ACP2: variants seen among roughly 807,000 people sequenced by gnomAD.
ACP2 encodes the protein lysosomal acid phosphatase.
ACP2 carries 35 observed loss-of-function variants against 54.7 expected under a neutral mutation model. That is an observed-to-expected ratio of 0.64 (90% CI 0.49 to 0.85). The LOEUF (loss-of-function observed/expected upper bound fraction) is 0.85. ACP2 is among the 40% of genes least tolerant of loss of function. The pLI is 0.00. For synonymous variants in ACP2, 210 were observed against 224.4 expected (o/e 0.94, Z 0.57); for missense variants, 492 against 565.0 (o/e 0.87, Z 1.31).
Position 47,242,846 on chromosome 11 carries a change from G to A in ACP2, c.1015C>T (p.Pro339Ser). The A allele has an allele frequency of 6.2e-7, 1 of 1,614,056 alleles. No homozygotes were observed. Among genetic ancestry groups the A allele is most frequent in the South Asian group, 1.1e-5 (1 of 91,080 alleles). Reference sequence around the variant, plus strand: ...TGAGGGCAGCCAGGCAGGCTGAGCGGCCAGGGGGCCTTGTCACTCTCGTTC... The same window carrying A: ...TGAGGGCAGCCAGGCAGGCTGAGCGACCAGGGGGCCTTGTCACTCTCGTTC... ...FRNESDKAPW[P>S]LSLPGCPHRC... Residue 339 changes from proline (P) to serine (S), a missense_variant, in exon 10 of 11, where the codon CCG becomes TCG. Transcript: ENST00000672073.
intron 3 of ACP2, 68 bp downstream of exon 3, chr11:47,247,573 G>A: frequency 1.9e-6 from 3 of 1,576,736 alleles, no homozygotes; most frequent in Non-Finnish European, 2.6e-6. Flanking sequence ...TCAGCCTTAG[G>A]CTCCCTGAGG....
chr11:47,240,041 G>A lies in ACP2; in HGVS notation c.*75C>T. The stretch of plus-strand genomic sequence containing the variant: ...CCCAGGATCTCCTGTCCATGGGCTG[G>A]GGAGCAGCAACAGTCAGGAGCGAGG... On this transcript the variant is annotated 3_prime_UTR_variant, in exon 11 of 11. Transcript: ENST00000672073. 1 of 1,510,186 alleles carries A rather than the reference G, an allele frequency of 6.6e-7. No individual in the cohort carries two copies. The highest frequency in any genetic ancestry group is 9.0e-7 in the Non-Finnish European group (1 of 1,116,732). The allele number at this position is 1,510,186 out of a possible 1,614,324, so 93.5% of individuals were successfully genotyped here. A position where few individuals can be genotyped will look rare whatever the true frequency, so the allele number is the denominator to read the frequency against.
At chr11:47,247,582 G>C in intron 3 of ACP2, 59 bp downstream of exon 3, 1 of 1,600,298 alleles carries the variant, frequency 6.2e-7, no homozygotes, top group South Asian at 1.1e-5. Flanking sequence ...GGCTCCCTGA[G>C]GGCAAAAGAT....
intron 4 of ACP2, 54 bp downstream of exon 4, chr11:47,245,627 GC>G: frequency 6.2e-7 from 1 of 1,614,206 alleles, no homozygotes; most frequent in Non-Finnish European, 8.5e-7. Flanking sequence ...GCATCAGCAG[GC>G]CTACGGCCAG....
In ACP2 at chr11:47,243,272, G is replaced by C; in HGVS notation, c.822C>G (p.Thr274=). 6.2e-7 allele frequency: 1 copy of C among 1,614,248 alleles called. No homozygotes were observed. Among genetic ancestry groups the C allele is most frequent in the Non-Finnish European group, 8.5e-7 (1 of 1,180,040 alleles). ...IRKNLTLMAT[T]SQLPKLLVYS... ...AAACCAGCAGCTTGGGGAGCTGGGAGGTGGTCGCCATTAGGGTCAGGTTCT... is the reference window on the plus strand; with the variant it reads ...AAACCAGCAGCTTGGGGAGCTGGGACGTGGTCGCCATTAGGGTCAGGTTCT... The change falls in exon 8 of 11, where the codon ACC becomes ACG. Residue 274 remains threonine, a synonymous_variant. Transcript: ENST00000672073.
intron 10 of ACP2, 65 bp from the exon 11 acceptor site, chr11:47,240,314 G>A: frequency 2.4e-6 from 2 of 828,102 alleles, no homozygotes; most frequent in Non-Finnish European, 4.2e-6. Context: ...CTACTGTTCT[G>A]ACATATAGGA....
chr11:47,248,394 T>C (rs371257928), intron 1 of ACP2: 2 of 1,501,462 alleles, frequency 1.3e-6, no homozygotes, highest in African/African-American at 2.8e-5. Context: ...ACGTATGTGG[T>C]GGGGACAACT....
intron 10 of ACP2, among the ~76,000 whole-genome samples, chr11:47,242,138 G>A (rs923675110): frequency 1.3e-5 from 2 of 152,226 alleles, no homozygotes; most frequent in African/African-American, 4.8e-5. Context: ...GCTGAGAGGT[G>A]AGAGAAGCTA....
At chr11:47,243,181 C>A in intron 8 of ACP2, 57 bp from the exon 9 acceptor site, 1 of 1,613,526 alleles carries the variant, frequency 6.2e-7, no homozygotes, top group Non-Finnish European at 8.5e-7. Context: ...AGGAACCGAA[C>A]AGAGAAGAAA....
At chr11:47,245,143 A>G (rs1954018445) in intron 6 of ACP2, 162 bp downstream of exon 6, 1 of 938,492 alleles carries the variant, frequency 1.1e-6, no homozygotes, top group African/African-American at 1.6e-5. Flanking sequence ...CACTCTGAGG[A>G]TCTCTGTCAC....
intron 10 of ACP2, among the ~76,000 whole-genome samples, 165 bp downstream of exon 10, chr11:47,242,558 C>T (rs1320850853): frequency 6.6e-6 from 1 of 151,954 alleles, no homozygotes; most frequent in Non-Finnish European, 1.5e-5. Context: ...AGACATCACC[C>T]GAGGGTGAGA....
At position 47,239,752 on chromosome 11, in the gene ACP2, A is replaced by G. The variant is rs1953820240; in HGVS notation, c.*364T>C. 1 of 202,982 alleles carries G rather than the reference A, an allele frequency of 4.9e-6. No homozygotes were observed. Among genetic ancestry groups the G allele is most frequent in the Non-Finnish European group, 9.9e-6 (1 of 101,000 alleles). 12.6% of individuals were successfully genotyped at this position (202,982 alleles called of 1,614,324 possible). A position where few individuals can be genotyped will look rare whatever the true frequency, so the allele number is the denominator to read the frequency against. Reference sequence around the variant, plus strand: ...TGCCGAAGACTTCAGGCTGGAGGAAAAAGAACAGGGCTTGATAGAAGTGCA... The same window carrying G: ...TGCCGAAGACTTCAGGCTGGAGGAAGAAGAACAGGGCTTGATAGAAGTGCA... On this transcript the variant is annotated 3_prime_UTR_variant, in exon 11 of 11. Coordinates refer to ENST00000672073, the MANE Select transcript of ACP2 (RefSeq NM_001610.4).
In ACP2 at chr11:47,242,114, A is replaced by G. The variant is rs527621524; in HGVS notation, c.1138+609T>C. ...GAAAGTGTTTCAGGAAGGGGTGACCAATTATGTAATGCTGCTGAGAGGTGA... is the reference window on the plus strand; with the variant it reads ...GAAAGTGTTTCAGGAAGGGGTGACCGATTATGTAATGCTGCTGAGAGGTGA... On this transcript the variant is annotated intron_variant, in intron 10 of 10. Coordinates refer to ENST00000672073, the MANE Select transcript of ACP2 (RefSeq NM_001610.4). 2.6e-5 allele frequency among the ~76,000 whole-genome samples: 4 copies of G among 152,340 alleles called. No homozygotes were observed. The South Asian group carries it at 8.3e-4, about 32-fold the overall frequency.
At chr11:47,243,416 G>C in intron 7 of ACP2, 95 bp from the exon 8 acceptor site, 1 of 1,037,734 alleles carries the variant, frequency 9.6e-7, no homozygotes, top group South Asian at 1.4e-5. Flanking sequence ...CCAGGCCTGG[G>C]CCTCATCACC....
Position 47,245,322 on chromosome 11 carries a change from C to T in ACP2, c.622G>A (p.Asp208Asn), listed in dbSNP as rs768422993. The T allele has an allele frequency of 6.2e-7, 1 of 1,614,088 alleles. No homozygotes were observed. The highest frequency in any genetic ancestry group is 1.1e-5 in the South Asian group (1 of 91,072). Reference sequence around the variant, plus strand: ...GGGCTCACCTCACAGAAGAGTGTGTCATAGACATTCCAGACGGTCTCCAGT... The same window carrying T: ...GGGCTCACCTCACAGAAGAGTGTGTTATAGACATTCCAGACGGTCTCCAGT... ...LTLETVWNVY[D>N]TLFCEQTHGL... Residue 208 changes from aspartate to asparagine, a missense_variant, in exon 6 of 11, where the codon GAC (aspartate) becomes AAC (asparagine). Asp to Asn is a conservative substitution (Grantham distance 23, BLOSUM62 1). Transcript: ENST00000672073.
intron 7 of ACP2, 100 bp from the exon 8 acceptor site, chr11:47,243,421 A>G (rs1953947263): frequency 1.0e-6 from 1 of 965,630 alleles, no homozygotes; most frequent in African/African-American, 1.6e-5. Flanking sequence ...CCTGGGCCTC[A>G]TCACCTACAC....
rs763133170 is a variant in ACP2 at position 47,248,724 on chromosome 11, C to T, written c.66G>A (p.Leu22=). ...ALLQLLLGVN[L]VVMPPTRARS... Reference sequence around the variant, plus strand: ...GGGCCCGGGTGGGCGGCATCACCACCAGGTTCACGCCGAGAAGGAGCTGGA... The same window carrying T: ...GGGCCCGGGTGGGCGGCATCACCACTAGGTTCACGCCGAGAAGGAGCTGGA... Residue 22 remains leucine, a synonymous_variant, in exon 1 of 11, where the codon CTG becomes CTA. Transcript: ENST00000672073. 1 of 1,611,648 alleles carries T rather than the reference C, an allele frequency of 6.2e-7. No homozygotes were observed.
At chr11:47,243,406 C>T (rs1231347890) in intron 7 of ACP2, 85 bp from the exon 8 acceptor site, 15 of 1,211,126 alleles carry the variant, frequency 1.2e-5, no homozygotes, top group Non-Finnish European at 1.4e-5. Context: ...TCACCCTCTG[C>T]CAGGCCTGGG....
At position 47,243,320 on chromosome 11, in the gene ACP2, T is replaced by C; in HGVS notation, c.774A>G (p.Gly258=). Residue 258 remains glycine, a splice_region_variant and synonymous_variant, in exon 8 of 11, where the codon GGA becomes GGG. Coordinates refer to ENST00000672073, the MANE Select transcript of ACP2 (RefSeq NM_001610.4). ...QQAEKARLQG[G]VLLAQIRKNL... ...TCTTCCTTATCTGAGCCAGCAGGAC[T>C]CCTGAAGGAGAAAAGTCCCCGGTGT... The C allele has an allele frequency of 6.2e-7, 1 of 1,614,004 alleles. No homozygotes were observed. Among genetic ancestry groups the C allele is most frequent in the African/African-American group, 1.3e-5 (1 of 75,024 alleles).
Sources: gnomAD v4.1 joint callset for allele counts (sites outside exome capture counted in the v4.1 genomes callset) on GRCh38, gnomAD v4.1.1 for gene constraint, MANE v1.5 for transcripts, NCBI Gene and HGNC (gene_info 2026-07-23, HGNC 2026-07-21) for gene names.